Variants in TAAR5 observed in about 807,000 individuals in gnomAD.
The protein encoded by TAAR5 is trace amine-associated receptor 5.
TAAR5 carries 27 observed loss-of-function variants against 21.1 expected under a neutral mutation model. The observed-to-expected ratio is 1.28, with a 90% CI of 0.94 to 1.76. The LOEUF is 1.76. Ranked by LOEUF, TAAR5 falls within the 40% of genes most tolerant of loss-of-function variation. The pLI is 0.00. For missense variants in TAAR5, 495 were observed against 405.6 expected, an observed-to-expected ratio of 1.22 and a Z score of -1.89; for synonymous variants, 203 against 167.5, an observed-to-expected ratio of 1.21 and a Z score of -1.64.
upstream of TAAR5, among the ~76,000 whole-genome samples, chr6:132,591,380 C>T (rs140589579): frequency 3.6e-3 from 543 of 152,162 alleles, 4 homozygotes; most frequent in African/African-American, 0.013. Context: ...GCCAGAGGGG[C>T]CTGGAAGAGG....
upstream of TAAR5, among the ~76,000 whole-genome samples, chr6:132,590,602 A>G (rs1451507265): frequency 2.0e-5 from 3 of 152,206 alleles, no homozygotes; most frequent in Admixed American, 2.0e-4. Context: ...GTGTGCAATT[A>G]GTTAACGATT....
chr6:132,601,075 AGGAGGGAAGGAAGGAG>A, the TAAR5 span, among the ~76,000 whole-genome samples: 2 of 133,914 alleles, frequency 1.5e-5, no homozygotes, highest in African/African-American at 2.7e-5. Flanking sequence ...GAAGGAAGGA[AGGAGGGAAGGAAGGAG>A]GGAGGGAAGG....
chr6:132,605,892 G>T, the TAAR5 span, among the ~76,000 whole-genome samples: 2 of 152,158 alleles, frequency 1.3e-5, no homozygotes, highest in East Asian at 3.9e-4. Flanking sequence ...TAAAGAAAAT[G>T]TGGTATATAT....
upstream of TAAR5, among the ~76,000 whole-genome samples, chr6:132,591,979 C>T (rs1302155525): frequency 6.6e-6 from 1 of 152,124 alleles, no homozygotes; most frequent in Non-Finnish European, 1.5e-5. Context: ...GACAAGAGTT[C>T]GAGTGGATAT....
the TAAR5 span, among the ~76,000 whole-genome samples, chr6:132,609,947 C>T: frequency 6.6e-6 from 1 of 151,394 alleles, no homozygotes; most frequent in Non-Finnish European, 1.5e-5. Context: ...CCTGTCCTTC[C>T]CTCTGCCTCT....
chr6:132,590,051 T>C (rs1223593207), upstream of TAAR5, among the ~76,000 whole-genome samples: 1 of 152,198 alleles, frequency 6.6e-6, no homozygotes, highest in Admixed American at 6.5e-5. Context: ...TAGGTAGTAT[T>C]AAATAATAGA....
At chr6:132,612,607 G>A in the TAAR5 span, among the ~76,000 whole-genome samples, 1 of 152,180 alleles carries the variant, frequency 6.6e-6, no homozygotes, top group Non-Finnish European at 1.5e-5. Flanking sequence ...AAAAGTGGAA[G>A]TATTTCAGCT....
chr6:132,604,977 T>C, the TAAR5 span, among the ~76,000 whole-genome samples: 2 of 152,298 alleles, frequency 1.3e-5, no homozygotes, highest in Admixed American at 6.5e-5. Context: ...CCAGATGGCC[T>C]TTCCTAGAGG....
At chr6:132,598,577 C>T in the TAAR5 span, among the ~76,000 whole-genome samples, 4 of 152,184 alleles carry the variant, frequency 2.6e-5, no homozygotes, top group African/African-American at 9.7e-5. Flanking sequence ...TGGGGCCACA[C>T]TATTGTAGGT....
the TAAR5 span, among the ~76,000 whole-genome samples, chr6:132,613,806 G>A: frequency 1.3e-5 from 2 of 152,124 alleles, no homozygotes; most frequent in African/African-American, 2.4e-5. Context: ...CTACAATCTG[G>A]TTCTGAGCAT....
At chr6:132,605,722 A>G in the TAAR5 span, among the ~76,000 whole-genome samples, 50 of 152,248 alleles carry the variant, frequency 3.3e-4, no homozygotes, top group African/African-American at 1.2e-3. Context: ...GCATCACACA[A>G]TATACCTATG....
chr6:132,592,251 C>A (rs1582727888), upstream of TAAR5, among the ~76,000 whole-genome samples: 1 of 152,300 alleles, frequency 6.6e-6, no homozygotes, highest in Non-Finnish European at 1.5e-5. Flanking sequence ...TACTAGAAAC[C>A]AAATTTGTTT....
the TAAR5 span, among the ~76,000 whole-genome samples, chr6:132,600,980 A>G: frequency 0.021 from 348 of 16,204 alleles, no homozygotes; most frequent in African/African-American, 0.072. Flanking sequence ...AAGGAGGGAA[A>G]GAAGGAAGGA....
chr6:132,607,079 C>A, the TAAR5 span, among the ~76,000 whole-genome samples: 1 of 152,236 alleles, frequency 6.6e-6, no homozygotes, highest in East Asian at 1.9e-4. Context: ...CTTGTAATCT[C>A]AGCTACTTGG....
At chr6:132,612,048 C>T in the TAAR5 span, among the ~76,000 whole-genome samples, 8 of 152,044 alleles carry the variant, frequency 5.3e-5, no homozygotes, top group East Asian at 1.9e-4. Context: ...ATAGGTAGTC[C>T]TCCACTCATT....
At chr6:132,611,573 A>C in the TAAR5 span, among the ~76,000 whole-genome samples, 2 of 152,206 alleles carry the variant, frequency 1.3e-5, no homozygotes, top group East Asian at 1.9e-4. Context: ...ACTATTATGT[A>C]TCCATAGTAA....
At chr6:132,600,936 GGAAGGAGGGAAAGAAA>G in the TAAR5 span, among the ~76,000 whole-genome samples, 1 of 112,964 alleles carries the variant, frequency 8.9e-6, no homozygotes, top group Admixed American at 9.0e-5. Flanking sequence ...AGGGAAGGAG[GGAAGGAGGGAAAGAAA>G]GAAGGAGGGA....
chr6:132,589,419 G>A lies in TAAR5; in HGVS notation c.268C>T (p.Leu90Phe). Residue 90 changes from leucine (L) to phenylalanine (F), a missense_variant, in exon 1 of 1, where the codon CTC becomes TTC. Leu to Phe is a conservative substitution (Grantham distance 22). Coordinates refer to ENST00000258034, the MANE Select transcript of TAAR5 (RefSeq NM_003967.3). ...DMFLGLLVLP[L>F]STIRSVESCW... Reference sequence around the variant, plus strand: ...CTCTCCACTGAGCGAATGGTGCTGAGGGGCAGCACCAGCAGACCCAGAAAC... The same window carrying A: ...CTCTCCACTGAGCGAATGGTGCTGAAGGGCAGCACCAGCAGACCCAGAAAC... 1 of 1,614,120 alleles carries A rather than the reference G, an allele frequency of 6.2e-7. No individual in the cohort carries two copies. The highest frequency in any genetic ancestry group is 1.1e-5 in the South Asian group (1 of 91,072).
the TAAR5 span, chr6:132,595,402 A>G: frequency 2.0e-5 from 3 of 152,188 alleles, no homozygotes; most frequent in African/African-American, 7.2e-5. Flanking sequence ...GCAAAATTGT[A>G]CTGTTGGGGG....
Sources: gnomAD v4.1 joint callset for allele counts (sites outside exome capture counted in the v4.1 genomes callset) on GRCh38, gnomAD v4.1.1 for gene constraint, MANE v1.5 for transcripts, NCBI Gene and HGNC (gene_info 2026-07-23, HGNC 2026-07-21) for gene names.